The following RYR2 variants were observed in gnomAD, a reference collection of about 807,000 sequenced individuals.
The protein encoded by RYR2 is cardiac muscle ryanodine receptor-calcium release channel.
In RYR2, 227 loss-of-function variants were observed where a neutral mutation model predicts 601.1. That is an observed-to-expected ratio of 0.38 (90% CI 0.34 to 0.42). The LOEUF (loss-of-function observed/expected upper bound fraction) is 0.42. Ranked by LOEUF, RYR2 falls within the 10% of genes least tolerant of loss-of-function variation. RYR2 has a pLI of 1.00. For missense variants in RYR2, 4,646 were observed against 6,156.5 expected, an observed-to-expected ratio of 0.75 and a Z score of 8.21; for synonymous variants, 2,223 against 2,175.1, an observed-to-expected ratio of 1.02 and a Z score of -0.61.
At chr1:237,823,565 A>C (rs4659817) in intron 101 of RYR2, among the ~76,000 whole-genome samples, 106,387 of 152,104 alleles carry the variant, frequency 0.7, 38,816 homozygotes, top group East Asian at 0.94. Flanking sequence ...TAAATGCCCA[A>C]AAGAGAAAGC....
At chr1:237,655,215 G>T (rs1683126719) in intron 52 of RYR2, among the ~76,000 whole-genome samples, 1 of 151,896 alleles carries the variant, frequency 6.6e-6, no homozygotes, top group Admixed American at 6.6e-5. Flanking sequence ...ATTTAACATT[G>T]AACATTTAAA....
intron 1 of RYR2, among the ~76,000 whole-genome samples, chr1:237,189,578 C>G (rs919897747): frequency 6.6e-5 from 10 of 152,152 alleles, no homozygotes; most frequent in South Asian, 2.1e-4. Context: ...TAAGAAAAGG[C>G]CAGAGAGCTA....
At position 237,610,723 on chromosome 1, in the gene RYR2, G is replaced by A; in HGVS notation, c.4684-39G>A. The A allele has an allele frequency of 1.3e-6, 2 of 1,504,862 alleles. No individual in the cohort carries two copies. The highest frequency in any genetic ancestry group is 1.8e-6 in the Non-Finnish European group (2 of 1,106,994). 93.2% of individuals were successfully genotyped at this position (1,504,862 alleles called of 1,614,324 possible). On this transcript the variant is annotated intron_variant, in intron 35 of 104. Transcript: ENST00000366574. This position sits in a 1 kb window ranked among gnomAD's most constrained non-coding sequence, Gnocchi z 4.9. Reference sequence around the variant, plus strand: ...CATTACTTTGTGAACCCCAAGGGATGTTCTACATTTATTCTTTTTCTGCCT... The same window carrying A: ...CATTACTTTGTGAACCCCAAGGGATATTCTACATTTATTCTTTTTCTGCCT...
chr1:237,506,185 C>T (rs1227187372), intron 22 of RYR2, among the ~76,000 whole-genome samples: 31 of 147,026 alleles, frequency 2.1e-4, no homozygotes, highest in Admixed American at 4.7e-4. Flanking sequence ...TCTGGTGGCT[C>T]ATAAATTGAT....
chr1:237,227,148 G>T (rs979303759), intron 1 of RYR2, among the ~76,000 whole-genome samples: 2 of 152,136 alleles, frequency 1.3e-5, no homozygotes, highest in African/African-American at 4.8e-5. Flanking sequence ...GCTTTAGTTA[G>T]ACGGGAGGAA....
At chr1:237,252,512 C>G (rs1397519483) in intron 1 of RYR2, among the ~76,000 whole-genome samples, 1 of 152,118 alleles carries the variant, frequency 6.6e-6, no homozygotes, top group Non-Finnish European at 1.5e-5. Flanking sequence ...TATTCATTTA[C>G]TTGTTTATCA....
intron 87 of RYR2, among the ~76,000 whole-genome samples, chr1:237,777,672 C>T (rs1478346289): frequency 2.0e-5 from 3 of 152,140 alleles, no homozygotes; most frequent in African/African-American, 4.8e-5. Context: ...CGTGCTACAG[C>T]GGATCCACCC....
chr1:237,696,967 C>T (rs906714254), intron 63 of RYR2, among the ~76,000 whole-genome samples: 2 of 152,126 alleles, frequency 1.3e-5, no homozygotes, highest in Admixed American at 1.3e-4. Context: ...AAATATAAAT[C>T]GTATCATATC....
chr1:237,445,549 G>T, intron 14 of RYR2, 27 bp downstream of exon 14: 1 of 1,610,846 alleles, frequency 6.2e-7, no homozygotes, highest in Non-Finnish European at 8.5e-7. Context: ...AGGCGTAGTT[G>T]TTTGATACTT....
At chr1:237,785,270 A>C (rs1695456446) in intron 90 of RYR2, among the ~76,000 whole-genome samples, 2 of 152,198 alleles carry the variant, frequency 1.3e-5, no homozygotes, top group South Asian at 4.1e-4. Flanking sequence ...AAAGAAAGAA[A>C]ACTTTTAGAT....
chr1:237,823,112 TAGAC>T (rs1458394606), intron 101 of RYR2, among the ~76,000 whole-genome samples: 1 of 152,122 alleles, frequency 6.6e-6, no homozygotes, highest in Non-Finnish European at 1.5e-5. Context: ...CTGTCAATAT[TAGAC>T]AGATCAATGA....
intron 100 of RYR2, among the ~76,000 whole-genome samples, chr1:237,811,378 A>G (rs2149453951): frequency 6.6e-6 from 1 of 152,298 alleles, no homozygotes; most frequent in African/African-American, 2.4e-5. Context: ...TGTATTTAAA[A>G]CTTTATCATA....
chr1:237,295,905 A>C (rs1023628355), intron 2 of RYR2, among the ~76,000 whole-genome samples: 1 of 152,278 alleles, frequency 6.6e-6, no homozygotes, highest in Non-Finnish European at 1.5e-5. Flanking sequence ...GCACCATCTC[A>C]TGGATATTTC....
chr1:237,815,796 T>G (rs1024918961), intron 100 of RYR2, among the ~76,000 whole-genome samples: 5 of 152,140 alleles, frequency 3.3e-5, no homozygotes, highest in African/African-American at 1.2e-4. Flanking sequence ...AGACTCACAT[T>G]AACCAGTATT....
At chr1:237,506,658 C>A (rs1166507151) in intron 22 of RYR2, 52 bp from the exon 23 acceptor site, 1 of 1,296,964 alleles carries the variant, frequency 7.7e-7, no homozygotes, top group Non-Finnish European at 1.1e-6. Flanking sequence ...GTTGGCACTG[C>A]ATCTTATTGC....
At chr1:237,049,601 A>G (rs1444723856) in intron 1 of RYR2, among the ~76,000 whole-genome samples, 2 of 152,184 alleles carry the variant, frequency 1.3e-5, no homozygotes, top group Non-Finnish European at 2.9e-5. Flanking sequence ...AAAGCTTTGA[A>G]TGATCCTGGG....
chr1:237,801,532 ACT>A (rs1659967241), intron 97 of RYR2, among the ~76,000 whole-genome samples: 2 of 132,968 alleles, frequency 1.5e-5, no homozygotes, highest in Admixed American at 8.0e-5. Context: ...AATGAGTGCA[ACT>A]CTGTCTCAAA....
At chr1:237,449,758 G>GTTT (rs34816071) in intron 14 of RYR2, among the ~76,000 whole-genome samples, 22 of 149,346 alleles carry the variant, frequency 1.5e-4, no homozygotes, top group Non-Finnish European at 3.0e-5. Flanking sequence ...AGATTGACAA[G>GTTT]TTTTTTTTTT....
chr1:237,479,058 T>C (rs1459017808), intron 17 of RYR2, among the ~76,000 whole-genome samples: 2 of 152,270 alleles, frequency 1.3e-5, no homozygotes, highest in Non-Finnish European at 2.9e-5. Context: ...TTACTACCCC[T>C]CTCTTGAGTT....
Sources: gnomAD v4.1 joint callset for allele counts (sites outside exome capture counted in the v4.1 genomes callset) on GRCh38, gnomAD v4.1.1 for gene constraint, Gnocchi (gnomAD v3.1) non-coding constraint, MANE v1.5 for transcripts, NCBI Gene and HGNC (gene_info 2026-07-23, HGNC 2026-07-21) for gene names.